Variants in PCDH9 observed in about 807,000 individuals in gnomAD.
The protein encoded by PCDH9 is protocadherin-9.
Under a neutral mutation model 70.6 loss-of-function variants are expected in PCDH9, and 24 were observed. That is an observed-to-expected ratio of 0.34 (90% confidence interval 0.25 to 0.48). The LOEUF (loss-of-function observed/expected upper bound fraction) is 0.48, where lower values mean the gene tolerates loss of function less well. PCDH9 is among the 20% of genes least tolerant of loss of function. The pLI is 0.99. For missense variants in PCDH9, 1,281 were observed against 1,503.6 expected, an observed-to-expected ratio of 0.85 and a Z score of 2.45; for synonymous variants, 562 against 558.5, an observed-to-expected ratio of 1.01 and a Z score of -0.09.
At chr13:67,031,761 C>A (rs1054667335) in intron 2 of PCDH9, among the ~76,000 whole-genome samples, 5 of 151,918 alleles carry the variant, frequency 3.3e-5, no homozygotes, top group African/African-American at 1.2e-4. Context: ...TTTATATTTC[C>A]ATTATTCATA....
chr13:66,803,834 C>CG (rs758223725), intron 3 of PCDH9, among the ~76,000 whole-genome samples: 3 of 152,134 alleles, frequency 2.0e-5, no homozygotes, highest in Non-Finnish European at 4.4e-5. Flanking sequence ...AAATGTGTAG[C>CG]ATAACTATGC....
intron 2 of PCDH9, among the ~76,000 whole-genome samples, chr13:66,921,988 A>C (rs890776573): frequency 2.0e-5 from 3 of 151,344 alleles, no homozygotes; most frequent in Non-Finnish European, 4.4e-5. Context: ...GAACAAAAAA[A>C]GTTTATGAAA....
chr13:66,647,973 G>A (rs1379928178), intron 3 of PCDH9, among the ~76,000 whole-genome samples: 1 of 152,046 alleles, frequency 6.6e-6, no homozygotes, highest in Admixed American at 6.5e-5. Flanking sequence ...TCTACTACTT[G>A]TGGAAAGGAG....
At chr13:66,347,874 T>C (rs1956235657) in intron 4 of PCDH9, among the ~76,000 whole-genome samples, 2 of 152,210 alleles carry the variant, frequency 1.3e-5, no homozygotes. Flanking sequence ...CATGCTCTTC[T>C]ACAAATCTGT....
At chr13:66,445,623 ATATATATTATATACACATATATAT>A (rs1716429879) in intron 4 of PCDH9, among the ~76,000 whole-genome samples, 2 of 138,330 alleles carry the variant, frequency 1.4e-5, no homozygotes, top group Admixed American at 1.5e-4. Flanking sequence ...ATATATACAC[ATATATATTATATACACATATATAT>A]TATATATACA....
intron 3 of PCDH9, among the ~76,000 whole-genome samples, chr13:66,743,488 G>T (rs1224020149): frequency 8.0e-6 from 1 of 124,276 alleles, no homozygotes; most frequent in Admixed American, 8.4e-5. Flanking sequence ...AAAACTTAAA[G>T]TATAATAAAA....
chr13:66,979,451 A>G (rs2083692789), intron 2 of PCDH9, among the ~76,000 whole-genome samples: 1 of 152,152 alleles, frequency 6.6e-6, no homozygotes, highest in South Asian at 2.1e-4. Context: ...CTGTCTTCCT[A>G]TTAAAAATTC....
intron 4 of PCDH9, among the ~76,000 whole-genome samples, chr13:66,506,414 TA>T (rs571853255): frequency 0.013 from 1,969 of 152,306 alleles, 21 homozygotes; most frequent in Non-Finnish European, 0.021. Flanking sequence ...ACGGACAGAA[TA>T]AGAGTTTATT....
intron 4 of PCDH9, among the ~76,000 whole-genome samples, chr13:66,394,603 T>A (rs779370767): frequency 5.9e-5 from 9 of 152,176 alleles, no homozygotes; most frequent in Non-Finnish European, 1.0e-4. Context: ...AAAAAAGGAC[T>A]GAAAAATTTC....
intron 3 of PCDH9, among the ~76,000 whole-genome samples, chr13:66,649,605 CA>C (rs1566481210): frequency 1.3e-5 from 2 of 150,660 alleles, no homozygotes; most frequent in African/African-American, 4.8e-5. Flanking sequence ...ATGAGCAATA[CA>C]AAATCATCTG....
intron 4 of PCDH9, among the ~76,000 whole-genome samples, chr13:66,449,980 A>G (rs1958172816): frequency 6.6e-6 from 1 of 152,198 alleles, no homozygotes; most frequent in Admixed American, 6.5e-5. Context: ...CACAATAGGC[A>G]GGACAATTGC....
At chr13:67,103,598 T>C (rs2086476167) in intron 2 of PCDH9, among the ~76,000 whole-genome samples, 1 of 152,196 alleles carries the variant, frequency 6.6e-6, no homozygotes, top group Non-Finnish European at 1.5e-5. Context: ...AAGACTTTTT[T>C]CTTTTTTTTT....
intron 4 of PCDH9, among the ~76,000 whole-genome samples, chr13:66,543,525 C>T (rs2138663173): frequency 6.6e-6 from 1 of 151,910 alleles, no homozygotes; most frequent in East Asian, 1.9e-4. Context: ...TGGGATCATG[C>T]CACTGCACTC....
At chr13:66,745,590 C>G (rs148950820) in intron 3 of PCDH9, among the ~76,000 whole-genome samples, 1 of 152,050 alleles carries the variant, frequency 6.6e-6, no homozygotes, top group Non-Finnish European at 1.5e-5. Context: ...GAGCTTTCAC[C>G]AACACACTGA....
chr13:66,318,051 T>C (rs1955685379), intron 4 of PCDH9, among the ~76,000 whole-genome samples: 1 of 152,144 alleles, frequency 6.6e-6, no homozygotes, highest in South Asian at 2.1e-4. Flanking sequence ...AAATGGCCTG[T>C]ATAATAGAGT....
In PCDH9 at chr13:67,227,775, G is replaced by A. The variant is rs768894317; in HGVS notation, c.666C>T (p.Ile222=). 6.2e-7 allele frequency: 1 copy of A among 1,613,732 alleles called. No homozygotes were observed. The highest frequency in any genetic ancestry group is 1.3e-5 in the African/African-American group (1 of 75,024). The stretch of plus-strand genomic sequence containing the variant: ...GTGGAGTGCCTCCATCCTCTACTTT[G>A]ATTTTCATCACATAGGTATCTTTCT... ...REQKDTYVMK[I]KVEDGGTPQK... is the part of the protein sequence containing the mutation. Residue 222 remains isoleucine, a synonymous_variant, in exon 2 of 5, where the codon ATC becomes ATT. Coordinates refer to ENST00000377865, the MANE Select transcript of PCDH9 (RefSeq NM_203487.3). The surrounding 1 kb of genome is among the most constrained non-coding windows in gnomAD (Gnocchi z 4.6).
chr13:66,531,637 C>T (rs552976081), intron 4 of PCDH9, among the ~76,000 whole-genome samples: 2 of 152,152 alleles, frequency 1.3e-5, no homozygotes, highest in South Asian at 2.1e-4. Context: ...CTTTGAACTA[C>T]GCTTTAAATT....
At chr13:66,677,614 A>G (rs775273810) in intron 3 of PCDH9, among the ~76,000 whole-genome samples, 4 of 151,868 alleles carry the variant, frequency 2.6e-5, no homozygotes, top group Non-Finnish European at 5.9e-5. Flanking sequence ...TTCCTTCCCC[A>G]TGCTCTTTCT....
chr13:66,687,139 G>A (rs1052986752), intron 3 of PCDH9, among the ~76,000 whole-genome samples: 1 of 152,116 alleles, frequency 6.6e-6, no homozygotes, highest in African/African-American at 2.4e-5. Flanking sequence ...ATAATCACAA[G>A]CTCCAATAAG....
Sources: gnomAD v4.1 joint callset for allele counts (sites outside exome capture counted in the v4.1 genomes callset) on GRCh38, gnomAD v4.1.1 for gene constraint, Gnocchi (gnomAD v3.1) non-coding constraint, MANE v1.5 for transcripts, NCBI Gene and HGNC (gene_info 2026-07-23, HGNC 2026-07-21) for gene names.